TRIM51: variants seen among roughly 807,000 people sequenced by gnomAD.
TRIM51 encodes tripartite motif-containing 51.
A neutral mutation model predicts 32.7 loss-of-function variants in TRIM51; 23 were observed. That is an observed-to-expected ratio of 0.70 (90% CI 0.51 to 1.00). The LOEUF (loss-of-function observed/expected upper bound fraction) is 1.00, where lower values mean the gene tolerates loss of function less well. Among genes scored for constraint, TRIM51 ranks in the 50% least tolerant of loss-of-function variants. The probability of loss-of-function intolerance (pLI) is 0.00; values close to 1 mark genes in which losing one functional copy is unlikely to be tolerated. For missense variants in TRIM51, 592 were observed against 539.2 expected (o/e 1.10, Z -0.97); for synonymous variants, 177 against 181.9 (o/e 0.97, Z 0.22).
chr11:55,887,534 C>T (rs925000033), intron 3 of TRIM51, among the ~76,000 whole-genome samples: 11 of 151,648 alleles, frequency 7.3e-5, no homozygotes, highest in African/African-American at 2.7e-4. Flanking sequence ...ACAAAGAAGC[C>T]CATGTTGCCG....
intron 6 of TRIM51, 91 bp downstream of exon 6, chr11:55,890,130 T>C: frequency 2.4e-6 from 2 of 850,752 alleles, no homozygotes; most frequent in African/African-American, 1.7e-5. Flanking sequence ...CAAATCTTTA[T>C]TTCATTTCAG....
intron 3 of TRIM51, among the ~76,000 whole-genome samples, chr11:55,887,007 A>G (rs1469291972): frequency 6.6e-6 from 1 of 152,134 alleles, no homozygotes; most frequent in South Asian, 2.1e-4. Context: ...AAACACACAA[A>G]TCTTGCCATG....
At chr11:55,886,360 A>T in intron 3 of TRIM51, 142 bp downstream of exon 3, 1 of 669,460 alleles carries the variant, frequency 1.5e-6, no homozygotes, top group Non-Finnish European at 2.6e-6. Context: ...AAACACCCTA[A>T]TTTTTTATAT....
chr11:55,889,942 G>T lies in TRIM51; in HGVS notation c.762G>T (p.Arg254Ser), dbSNP rs147783452. The change falls in exon 6 of 7, where the codon AGG becomes AGT. Residue 254 changes from arginine to serine, a missense_variant and splice_region_variant. Coordinates refer to ENST00000449290, the MANE Select transcript of TRIM51 (RefSeq NM_032681.4). ...LLQAFGDILHRYESLLLQVSE... is the reference protein window; with the variant it reads ...LLQAFGDILHSYESLLLQVSE... ...GATAACCCTATCTTTCCCCTTGCAGGTATGAGTCTCTGCTGCTGCAAGTGT... is the reference window on the plus strand; with the variant it reads ...GATAACCCTATCTTTCCCCTTGCAGTTATGAGTCTCTGCTGCTGCAAGTGT... 12 of 1,611,668 alleles carry T rather than the reference G, an allele frequency of 7.4e-6. No individual in the cohort carries two copies. The highest frequency in any genetic ancestry group is 2.5e-6 in the Non-Finnish European group (3 of 1,178,502).
At chr11:55,886,430 C>T (rs1166052700) in intron 3 of TRIM51, among the ~76,000 whole-genome samples, 2 of 152,182 alleles carry the variant, frequency 1.3e-5, no homozygotes, top group Admixed American at 6.5e-5. Flanking sequence ...CCCAAGCATG[C>T]TCATCTGTTT....
chr11:55,889,934 C>T lies in TRIM51; in HGVS notation c.762-8C>T, dbSNP rs770875510. The T allele has an allele frequency of 4.4e-6, 7 of 1,608,664 alleles. No homozygotes were observed. Among genetic ancestry groups the T allele is most frequent in the East Asian group, 2.2e-5 (1 of 44,840 alleles). ...GTAGATGTGATAACCCTATCTTTCCCCTTGCAGGTATGAGTCTCTGCTGCT... is the reference window on the plus strand; with the variant it reads ...GTAGATGTGATAACCCTATCTTTCCTCTTGCAGGTATGAGTCTCTGCTGCT... On this transcript the variant is annotated splice_region_variant and splice_polypyrimidine_tract_variant and intron_variant, in intron 5 of 6. Transcript: ENST00000449290.
intron 1 of TRIM51, among the ~76,000 whole-genome samples, chr11:55,884,184 C>T (rs200568520): frequency 0.19 from 7,684 of 40,954 alleles, 455 homozygotes; most frequent in East Asian, 0.28. Flanking sequence ...TATATATATA[C>T]ACATACCAAA....
chr11:55,889,813 A>C, intron 5 of TRIM51, 129 bp from the exon 6 acceptor site: 1 of 664,380 alleles, frequency 1.5e-6, no homozygotes, highest in Non-Finnish European at 2.7e-6. Flanking sequence ...GAAAAATAAA[A>C]TGATAATTTT....
Position 55,891,168 on chromosome 11 carries a change from C to A in TRIM51, c.895C>A (p.His299Asn). ...FTLQPERANS[H>N]IFLCGDLRSM... Reference sequence around the variant, plus strand: ...TCTGCAGCCTGAAAGAGCCAATAGTCATATCTTCCTGTGTGGAGATTTGAG... The same window carrying A: ...TCTGCAGCCTGAAAGAGCCAATAGTAATATCTTCCTGTGTGGAGATTTGAG... The change falls in exon 7 of 7, where the codon CAT (histidine) becomes AAT (asparagine). Residue 299 changes from histidine (H) to asparagine (N), a missense_variant. Coordinates refer to ENST00000449290, the MANE Select transcript of TRIM51 (RefSeq NM_032681.4). 3 of 1,601,582 alleles carry A rather than the reference C, an allele frequency of 1.9e-6. No individual in the cohort carries two copies. Among genetic ancestry groups the A allele is most frequent in the Non-Finnish European group, 2.5e-6 (3 of 1,179,588 alleles).
chr11:55,886,231 T>C lies in TRIM51; in HGVS notation c.507+13T>C, dbSNP rs762395206. 4.4e-6 allele frequency: 7 copies of C among 1,597,548 alleles called. No individual in the cohort carries two copies. Among genetic ancestry groups the C allele is most frequent in the African/African-American group, 2.7e-5 (2 of 74,494 alleles). On this transcript the variant is annotated intron_variant, in intron 3 of 6. Coordinates refer to ENST00000449290, the MANE Select transcript of TRIM51 (RefSeq NM_032681.4). Reference sequence around the variant, plus strand: ...CAGATGCTGGAAGGTTAGTACCGTATGACTCTACCTTCTCCGGGAACTTAT... The same window carrying C: ...CAGATGCTGGAAGGTTAGTACCGTACGACTCTACCTTCTCCGGGAACTTAT...
In TRIM51 at chr11:55,885,566, G is replaced by A. The variant is rs1854565733; in HGVS notation, c.138G>A (p.Thr46=). Residue 46 remains threonine (T), a synonymous_variant, in exon 2 of 7, where the codon ACG becomes ACA. Coordinates refer to ENST00000449290, the MANE Select transcript of TRIM51 (RefSeq NM_032681.4). ...GTTTGTACCTCAACTGGCAAGACAC[G>A]GCAGTTCTTGCTCAGTGCTCTGAAT... ...RPCLYLNWQD[T]AVLAQCSECK... 6.2e-7 allele frequency: 1 copy of A among 1,611,878 alleles called. No individual in the cohort carries two copies. Among genetic ancestry groups the A allele is most frequent in the Non-Finnish European group, 8.5e-7 (1 of 1,179,754 alleles).
chr11:55,891,761 A>G lies in TRIM51; in HGVS notation c.*129A>G, dbSNP rs1854653996. ...ATGTCTTTAGTTGCATTCTAATGTC[A>G]TCAAAACTCATTTATAGTGTTTCTA... On this transcript the variant is annotated 3_prime_UTR_variant, in exon 7 of 7. Transcript: ENST00000449290. 3 of 1,003,840 alleles carry G rather than the reference A, an allele frequency of 3.0e-6. No homozygotes were observed. The South Asian group carries it at 4.7e-5, about 16-fold the overall frequency. The allele number at this position is 1,003,840 out of a possible 1,614,324, so 62.2% of individuals were successfully genotyped here.
chr11:55,886,905 T>C (rs1299856544), intron 3 of TRIM51, among the ~76,000 whole-genome samples: 1 of 152,156 alleles, frequency 6.6e-6, no homozygotes. Flanking sequence ...ATTCATTAAT[T>C]TATTCTAATA....
At chr11:55,883,941 C>T (rs1375015736) in intron 1 of TRIM51, among the ~76,000 whole-genome samples, 3 of 151,692 alleles carry the variant, frequency 2.0e-5, no homozygotes, top group African/African-American at 7.3e-5. Context: ...TGAGGTTTAC[C>T]TCAGATGAAA....
rs11231445 is a variant in TRIM51, at chr11:55,890,555, A to G, written c.859+516A>G. The stretch of plus-strand genomic sequence containing the variant: ...TAAATAGGAAGTAAAAATGGAAATG[A>G]TAATTTCAGTTTAGTTACAACATGA... On this transcript the variant is annotated intron_variant, in intron 6 of 6. Transcript: ENST00000449290. 2.0e-5 allele frequency among the ~76,000 whole-genome samples: 3 copies of G among 152,222 alleles called. No individual in the cohort carries two copies. In the East Asian group the frequency reaches 5.8e-4, roughly 29 times the overall value.
Position 55,891,605 on chromosome 11 carries a change from G to C in TRIM51, c.1332G>C (p.Arg444Ser). 1 of 1,612,998 alleles carries C rather than the reference G, an allele frequency of 6.2e-7. No homozygotes were observed. The highest frequency in any genetic ancestry group is 2.2e-5 in the East Asian group (1 of 44,858). Residue 444 changes from arginine to serine, a missense_variant, in exon 7 of 7, where the codon AGG (arginine) becomes AGC (serine). By Grantham distance (110) the Arg-to-Ser change is moderately radical. Coordinates refer to ENST00000449290, the MANE Select transcript of TRIM51 (RefSeq NM_032681.4). ...ATTGCTCCTTCTCACCTCCTCTCAG[G>C]CCTATCTTTTGCTGTAGTCACTTCT... The part of the protein sequence containing the change: ...IPNCSFSPPL[R>S]PIFCCSHF
Position 55,891,076 on chromosome 11 carries a change from G to T in TRIM51, c.860-57G>T, listed in dbSNP as rs1337628004. ...CTTGGTAGAACAACATTTCCCTCAA[G>T]AATTCTAATTTCTATTAATTACATG... On this transcript the variant is annotated intron_variant, in intron 6 of 6. Coordinates refer to ENST00000449290, the MANE Select transcript of TRIM51 (RefSeq NM_032681.4). 5.8e-6 allele frequency: 8 copies of T among 1,381,008 alleles called. No homozygotes were observed. The Admixed American group carries it at 1.2e-4, about 20-fold the overall frequency. 85.5% of individuals were successfully genotyped at this position (1,381,008 alleles called of 1,614,324 possible). A position where few individuals can be genotyped will look rare whatever the true frequency, so the allele number is the denominator to read the frequency against.
intron 1 of TRIM51, 23 bp from the exon 2 acceptor site, chr11:55,885,402 A>G (rs1443281655): frequency 4.0e-5 from 65 of 1,611,506 alleles, no homozygotes; most frequent in Non-Finnish European, 5.5e-5. Flanking sequence ...CCCCAAAATG[A>G]CATGCTGCTC....
In TRIM51 at chr11:55,885,693, G is replaced by A. The variant is rs145752663; in HGVS notation, c.265G>A (p.Glu89Lys). The change falls in exon 2 of 7, where the codon GAG becomes AAG. Residue 89 changes from glutamate (E) to lysine (K), a missense_variant. Transcript: ENST00000449290. ...CAGCCTCCGGCAATTCCTTAGCTCT[G>A]AGGAGCAAATATGTGGGATGCACAG... ...KASLRQFLSS[E>K]EQICGMHRET... The A allele has an allele frequency of 3.7e-3, 5,956 of 1,611,448 alleles. 165 individuals are homozygous for A. The African/African-American group carries it at 0.067, about 18-fold the overall frequency.
Sources: allele counts gnomAD v4.1 joint callset (sites outside exome capture counted in the v4.1 genomes callset), GRCh38; gene constraint gnomAD v4.1.1; transcripts MANE v1.5; gene names NCBI Gene and HGNC (gene_info 2026-07-23, HGNC 2026-07-21).